Variants in SPPL3 observed in about 807,000 individuals in gnomAD.
SPPL3 encodes signal peptide peptidase-like 3.
A neutral mutation model predicts 42.4 loss-of-function variants in SPPL3; 5 were observed. The observed-to-expected ratio is 0.12, with a 90% CI of 0.06 to 0.25. SPPL3 has a LOEUF of 0.25. Ranked by LOEUF, SPPL3 falls within the 10% of genes least tolerant of loss-of-function variation. SPPL3 has a pLI of 1.00. For missense variants in SPPL3, 235 were observed against 489.0 expected, an observed-to-expected ratio of 0.48 and a Z score of 4.90; for synonymous variants, 195 against 181.8, an observed-to-expected ratio of 1.07 and a Z score of -0.58.
rs777958195 is a variant in SPPL3 at position 120,784,605 on chromosome 12, A to C, written c.191-12T>G. 6.3e-7 allele frequency: 1 copy of C among 1,598,474 alleles called. No individual in the cohort carries two copies. The highest frequency in any genetic ancestry group is 8.5e-7 in the Non-Finnish European group (1 of 1,174,220). Reference sequence around the variant, plus strand: ...AATTGTTTGGATGCCTGAAAGAGAAAAACAGACAGATTAATAACTTATTAT... The same window carrying C: ...AATTGTTTGGATGCCTGAAAGAGAACAACAGACAGATTAATAACTTATTAT... On this transcript the variant is annotated splice_polypyrimidine_tract_variant and intron_variant, in intron 3 of 10. Transcript: ENST00000353487.
intron 1 of SPPL3, among the ~76,000 whole-genome samples, chr12:120,875,426 C>T (rs1873054545): frequency 6.6e-6 from 1 of 151,770 alleles, no homozygotes; most frequent in Admixed American, 6.6e-5. Context: ...AAATCAAGAA[C>T]AGACCAGCCT....
At chr12:120,779,169 A>G (rs1262483592) in intron 6 of SPPL3, among the ~76,000 whole-genome samples, 1 of 152,236 alleles carries the variant, frequency 6.6e-6, no homozygotes, top group Non-Finnish European at 1.5e-5. Context: ...AAGTATATAT[A>G]GCCTATAAGA....
At chr12:120,820,708 C>T (rs1871039325) in intron 1 of SPPL3, among the ~76,000 whole-genome samples, 1 of 152,064 alleles carries the variant, frequency 6.6e-6, no homozygotes, top group South Asian at 2.1e-4. Flanking sequence ...ATATGTATTG[C>T]AAGCTTAATA....
intron 1 of SPPL3, among the ~76,000 whole-genome samples, chr12:120,891,955 C>G (rs1873656653): frequency 6.6e-6 from 1 of 152,120 alleles, no homozygotes; most frequent in African/African-American, 2.4e-5. Context: ...AAATGTCTCC[C>G]TTAGCTGAGT....
intron 1 of SPPL3, among the ~76,000 whole-genome samples, chr12:120,893,371 A>G (rs1406423792): frequency 6.6e-6 from 1 of 152,152 alleles, no homozygotes; most frequent in Non-Finnish European, 1.5e-5. Flanking sequence ...AATGGCGTGA[A>G]AAAAATATAT....
intron 1 of SPPL3, among the ~76,000 whole-genome samples, chr12:120,820,306 ATTTT>A (rs11374486): frequency 6.8e-4 from 69 of 100,972 alleles, no homozygotes; most frequent in Non-Finnish European, 1.1e-3. Context: ...CTTTCTCTAA[ATTTT>A]TTTTTTTTTT....
chr12:120,764,876 T>G lies in SPPL3; in HGVS notation c.*123A>C. 2.0e-6 allele frequency: 2 copies of G among 1,019,022 alleles called. No individual in the cohort carries two copies. The highest frequency in any genetic ancestry group is 1.9e-5 in the South Asian group (1 of 51,392). The allele number at this position is 1,019,022 out of a possible 1,614,324, so 63.1% of individuals were successfully genotyped here. A position where few individuals can be genotyped will look rare whatever the true frequency, so the allele number is the denominator to read the frequency against. Reference sequence around the variant, plus strand: ...AGCTCCCTTTAAATGCCAAATCCAGTCACACGGCAGTTCCTTAAACACAGG... The same window carrying G: ...AGCTCCCTTTAAATGCCAAATCCAGGCACACGGCAGTTCCTTAAACACAGG... On this transcript the variant is annotated 3_prime_UTR_variant, in exon 11 of 11. Transcript: ENST00000353487.
At chr12:120,885,462 A>G (rs1180413156) in intron 1 of SPPL3, among the ~76,000 whole-genome samples, 2 of 152,220 alleles carry the variant, frequency 1.3e-5, no homozygotes, top group Non-Finnish European at 2.9e-5. Context: ...TCTCTTGGTC[A>G]GAATACCATT....
At chr12:120,769,218 A>C in intron 6 of SPPL3, 159 bp from the exon 7 acceptor site, 1 of 574,770 alleles carries the variant, frequency 1.7e-6, no homozygotes, top group Non-Finnish European at 3.1e-6. Context: ...GGTGCAAAAC[A>C]CCCGCTTCTT....
intron 1 of SPPL3, among the ~76,000 whole-genome samples, chr12:120,824,984 T>C (rs1046032122): frequency 3.3e-5 from 5 of 152,118 alleles, no homozygotes; most frequent in Non-Finnish European, 7.4e-5. Context: ...GGAACAAATG[T>C]TAAAGGGTAA....
At chr12:120,888,627 G>C (rs901536068) in intron 1 of SPPL3, among the ~76,000 whole-genome samples, 2 of 152,190 alleles carry the variant, frequency 1.3e-5, no homozygotes, top group African/African-American at 2.4e-5. Context: ...AAGCAGACTA[G>C]TGGCTGCCAA....
At chr12:120,826,506 C>T (rs1027491735) in intron 1 of SPPL3, among the ~76,000 whole-genome samples, 5 of 152,090 alleles carry the variant, frequency 3.3e-5, no homozygotes, top group Non-Finnish European at 5.9e-5. Flanking sequence ...TCCACCTGGC[C>T]TAAAGCTTAC....
intron 1 of SPPL3, among the ~76,000 whole-genome samples, chr12:120,891,407 C>G (rs545852325): frequency 6.6e-6 from 1 of 151,946 alleles, no homozygotes; most frequent in Non-Finnish European, 1.5e-5. Flanking sequence ...AATAAGCACA[C>G]ATCAGGCCAC....
At chr12:120,896,692 T>C (rs769366186) in intron 1 of SPPL3, among the ~76,000 whole-genome samples, 8 of 151,964 alleles carry the variant, frequency 5.3e-5, no homozygotes, top group African/African-American at 1.2e-4. Context: ...GGCAAGAGAA[T>C]TGCTTGAACC....
At chr12:120,857,230 C>G (rs778779598) in intron 1 of SPPL3, among the ~76,000 whole-genome samples, 4 of 152,028 alleles carry the variant, frequency 2.6e-5, no homozygotes, top group Non-Finnish European at 4.4e-5. Context: ...TTCTCTCTCT[C>G]AGTTTATGAA....
intron 1 of SPPL3, among the ~76,000 whole-genome samples, chr12:120,858,851 C>T (rs1226000444): frequency 1.3e-5 from 2 of 152,098 alleles, no homozygotes; most frequent in African/African-American, 4.8e-5. Context: ...ATAGAGAAAA[C>T]GAAATGTGAG....
intron 1 of SPPL3, among the ~76,000 whole-genome samples, chr12:120,855,905 T>C (rs1365742919): frequency 6.6e-6 from 1 of 152,146 alleles, no homozygotes; most frequent in Non-Finnish European, 1.5e-5. Context: ...CTTTCTGGAA[T>C]GCACCTGAGA....
intron 2 of SPPL3, among the ~76,000 whole-genome samples, chr12:120,805,100 C>T (rs1870444541): frequency 6.6e-6 from 1 of 152,048 alleles, no homozygotes; most frequent in Non-Finnish European, 1.5e-5. Context: ...GGAATGACTG[C>T]TAACTGGTAC....
chr12:120,814,669 G>C (rs1483903167), intron 1 of SPPL3, among the ~76,000 whole-genome samples: 1 of 151,934 alleles, frequency 6.6e-6, no homozygotes, highest in Non-Finnish European at 1.5e-5. Context: ...CATACACAGA[G>C]GTCTTACTCC....
Sources: allele counts gnomAD v4.1 joint callset (sites outside exome capture counted in the v4.1 genomes callset), GRCh38; gene constraint gnomAD v4.1.1; transcripts MANE v1.5; gene names NCBI Gene and HGNC (gene_info 2026-07-23, HGNC 2026-07-21).